Variants in SH2B1 observed in about 807,000 individuals in gnomAD.
SH2B1 encodes the protein SH2B adapter protein 1.
A neutral mutation model predicts 62.6 loss-of-function variants in SH2B1; 15 were observed. The ratio of observed to expected loss-of-function variants is 0.24; its 90% CI spans 0.16 to 0.37. SH2B1 has a LOEUF of 0.37. Ranked by LOEUF, SH2B1 falls within the 10% of genes least tolerant of loss-of-function variation. SH2B1 has a pLI of 1.00. For synonymous variants in SH2B1, 443 were observed against 438.0 expected (o/e 1.01, Z -0.14); for missense variants, 925 against 1,015.6 (o/e 0.91, Z 1.21).
At chr16:28,871,682 C>G (rs1353530524) in intron 4 of SH2B1, 98 bp from the exon 5 acceptor site, 3 of 973,360 alleles carry the variant, frequency 3.1e-6, no homozygotes, top group Non-Finnish European at 4.9e-6. Context: ...TGGCCAGCGA[C>G]TGCACACAGG....
Position 28,872,684 on chromosome 16 carries a change from C to A in SH2B1, c.1876C>A (p.Pro626Thr). The part of the protein sequence containing the change: ...SSDVVLVSYV[P>T]SSQRQQEPTT... The stretch of plus-strand genomic sequence containing the variant: ...TGATGTTGTCCTTGTCAGCTATGTC[C>A]CATCCTCCCAGCGACAGCAGGGTGA... Residue 626 changes from proline (P) to threonine (T), a missense_variant, in exon 7 of 8, where the codon CCA becomes ACA. By Grantham distance (38) the Pro-to-Thr change is conservative (BLOSUM62 -1). This residue lies in a region of SH2B1 where 185 missense variants were observed against 189.5 expected (regional missense o/e 0.98). Transcript: ENST00000684370. This position sits in a 1 kb window ranked among gnomAD's most constrained non-coding sequence, Gnocchi z 5.3. 6.2e-7 allele frequency: 1 copy of A among 1,614,160 alleles called. No homozygotes were observed. The highest frequency in any genetic ancestry group is 8.5e-7 in the Non-Finnish European group (1 of 1,180,026).
At position 28,873,340 on chromosome 16, in the gene SH2B1, G is replaced by C. The variant is rs552645816; in HGVS notation, c.1898-107G>C. The C allele has an allele frequency of 1.9e-4, 298 of 1,589,430 alleles. 1 individual carries two copies. In the African/African-American group the frequency reaches 3.7e-3, roughly 20 times the overall value. On this transcript the variant is annotated intron_variant, in intron 7 of 7. Coordinates refer to ENST00000684370, the MANE Select transcript of SH2B1 (RefSeq NM_001387430.1). The surrounding 1 kb of genome is among the most constrained non-coding windows in gnomAD (Gnocchi z 4.2). ...TGGATGGGGGGTTGCTCAGGAGATGGGATGTGGGGAGACAGCCACGCTCCT... is the reference window on the plus strand; with the variant it reads ...TGGATGGGGGGTTGCTCAGGAGATGCGATGTGGGGAGACAGCCACGCTCCT...
At chr16:28,861,233 A>G (rs1248903233), upstream of SH2B1, among the ~76,000 whole-genome samples, 1 of 148,494 alleles carries the variant, frequency 6.7e-6, no homozygotes, top group Non-Finnish European at 1.5e-5. Context: ...CCCAGATTCA[A>G]GTGATTCTCC....
Position 28,869,088 on chromosome 16 carries a change from T to G in SH2B1, c.1124T>G (p.Leu375Arg), listed in dbSNP as rs767542567. 9.9e-6 allele frequency: 16 copies of G among 1,614,160 alleles called. No homozygotes were observed. In the South Asian group the frequency reaches 1.2e-4, roughly 12 times the overall value. The change falls in exon 3 of 8, where the codon CTG (leucine) becomes CGG (arginine). Residue 375 changes from leucine (L) to arginine (R), a missense_variant. Leu to Arg is a moderately radical substitution (Grantham distance 102). This residue lies in a region of SH2B1 where 683 missense variants were observed against 704.0 expected (regional missense o/e 0.97). Coordinates refer to ENST00000684370, the MANE Select transcript of SH2B1 (RefSeq NM_001387430.1). Reference sequence around the variant, plus strand: ...TGGGTGTCTGACATCCAAGAATGCCTGAGCCCAGGGTGAGAAGCCTGACTT... The same window carrying G: ...TGGGTGTCTGACATCCAAGAATGCCGGAGCCCAGGGTGAGAAGCCTGACTT... ...KAWVSDIQEC[L>R]SPGPCPATSP... is the part of the protein sequence containing the mutation.
At chr16:28,851,430 C>G (rs1025267686) in intron 1 of SH2B1, among the ~76,000 whole-genome samples, 8 of 151,084 alleles carry the variant, frequency 5.3e-5, no homozygotes, top group Admixed American at 4.0e-4. Flanking sequence ...GGTCTCCTGG[C>G]TTCTGTTCTC....
intron 1 of SH2B1, among the ~76,000 whole-genome samples, chr16:28,851,882 C>T (rs185799587): frequency 6.0e-5 from 9 of 150,764 alleles, no homozygotes; most frequent in African/African-American, 2.2e-4. Flanking sequence ...GTCTGACCAA[C>T]ATGGTGAAAC....
chr16:28,863,627 G>C (rs930169026), upstream of SH2B1: 1 of 1,497,140 alleles, frequency 6.7e-7, no homozygotes, highest in Non-Finnish European at 9.0e-7. Flanking sequence ...GCTCTGGTGG[G>C]ATCCAAGCAC....
In SH2B1 at chr16:28,872,493, G is replaced by A. The variant is rs2152187821; in HGVS notation, c.1726-41G>A. ...GGGGGAGGGGGTTTGTACCTGGCAG[G>A]GCCTTTGCCTCCTACCTCACCTCCC... On this transcript the variant is annotated intron_variant, in intron 6 of 7. Coordinates refer to ENST00000684370, the MANE Select transcript of SH2B1 (RefSeq NM_001387430.1). This position sits in a 1 kb window ranked among gnomAD's most constrained non-coding sequence, Gnocchi z 5.3. 1 of 1,587,160 alleles carries A rather than the reference G, an allele frequency of 6.3e-7. No homozygotes were observed. The highest frequency in any genetic ancestry group is 8.6e-7 in the Non-Finnish European group (1 of 1,163,594).
At chr16:28,847,945 C>T (rs1417040848) in intron 1 of SH2B1, among the ~76,000 whole-genome samples, 2 of 151,304 alleles carry the variant, frequency 1.3e-5, no homozygotes, top group Non-Finnish European at 2.9e-5. Flanking sequence ...CCCACCTCAG[C>T]CTCCTGAGTA....
At position 28,849,034 on chromosome 16, in the gene SH2B1, T is replaced by G. The variant is rs142809202; in HGVS notation, c.-301+2207T>G. ...GATAAAGTGAGGAACTTGCTAAGAC[T>G]TCTCTCTTCCTGGCCCTCCAGTTAA... is the stretch of plus-strand genomic sequence containing the variant. On this transcript the variant is annotated intron_variant, in intron 1 of 10. Transcript: ENST00000322610. Among the ~76,000 whole-genome samples, 338 of 152,310 alleles carry G rather than the reference T, an allele frequency of 2.2e-3. 6 individuals carry two copies. Among genetic ancestry groups the G allele is most frequent in the African/African-American group, 7.9e-3 (329 of 41,572 alleles).
In SH2B1 at chr16:28,866,971, C is replaced by G. The variant is rs940835451; in HGVS notation, c.877C>G (p.Leu293Val). The change falls in exon 1 of 8, where the codon CTG becomes GTG. Residue 293 changes from leucine to valine, a missense_variant. Physicochemically the swap from Leu to Val is conservative, Grantham distance 32 (BLOSUM62 1). Transcript: ENST00000684370. The surrounding 1 kb of genome is among the most constrained non-coding windows in gnomAD (Gnocchi z 6.3). ...GCCTCAGTGGCAGAAGTGTCGCCTG[C>G]TGCTTCGAAGTGAAGGAGAAGGAGG... ...GQPQWQKCRL[L>V]LRSEGEGGGG... 2 of 1,606,302 alleles carry G rather than the reference C, an allele frequency of 1.2e-6. No individual in the cohort carries two copies. The highest frequency in any genetic ancestry group is 1.7e-6 in the Non-Finnish European group (2 of 1,179,954).
chr16:28,852,211 TATATATTTAC>T (rs1358838417), intron 1 of SH2B1, among the ~76,000 whole-genome samples: 9 of 79,150 alleles, frequency 1.1e-4, no homozygotes, highest in East Asian at 6.7e-4. Flanking sequence ...TATTTACATA[TATATATTTAC>T]ATATATATTT....
intron 1 of SH2B1, among the ~76,000 whole-genome samples, chr16:28,852,896 AT>A (rs1485365473): frequency 1.1e-5 from 1 of 90,162 alleles, no homozygotes; most frequent in East Asian, 3.1e-4. Context: ...ATTTACATAT[AT>A]TTTTATATAT....
chr16:28,868,958 C>A, intron 2 of SH2B1, 48 bp from the exon 3 acceptor site: 1 of 1,418,242 alleles, frequency 7.1e-7, no homozygotes, highest in Non-Finnish European at 1.0e-6. Context: ...ATGGATTAAG[C>A]CTCCTCCCTG....
In SH2B1 at chr16:28,865,783, TG is replaced by T; in HGVS notation, c.-307del. On this transcript the variant is annotated 5_prime_UTR_variant, in exon 1 of 8. Coordinates refer to ENST00000684370, the MANE Select transcript of SH2B1 (RefSeq NM_001387430.1). Reference sequence around the variant, plus strand: ...CTGCTGGATCCAAAGCTAAGGAAAGTGGGGGCAAATGTGGCAGGCTCGGGGC... The same window carrying T: ...CTGCTGGATCCAAAGCTAAGGAAAGTGGGGCAAATGTGGCAGGCTCGGGGC... 1 of 1,150,548 alleles carries T rather than the reference TG, an allele frequency of 8.7e-7. No individual in the cohort carries two copies. The highest frequency in any genetic ancestry group is 1.1e-6 in the Non-Finnish European group (1 of 934,944). 71.3% of individuals were successfully genotyped at this position (1,150,548 alleles called of 1,614,324 possible).
At chr16:28,854,650 G>C (rs1001802141) in intron 1 of SH2B1, among the ~76,000 whole-genome samples, 1 of 152,062 alleles carries the variant, frequency 6.6e-6, no homozygotes, top group Non-Finnish European at 1.5e-5. Context: ...CAACTACTTG[G>C]AAGGCTGAGG....
chr16:28,863,740 G>A, upstream of SH2B1: 1 of 1,535,748 alleles, frequency 6.5e-7, no homozygotes, highest in South Asian at 1.2e-5. Context: ...GGCGCCGAGT[G>A]GGAGGATGGC....
rs940353350 is a variant in SH2B1, at chr16:28,872,482, G to T, written c.1726-52G>T. 2.8e-5 allele frequency: 44 copies of T among 1,580,916 alleles called. No homozygotes were observed. The East Asian group carries it at 8.7e-4, about 31-fold the overall frequency. On this transcript the variant is annotated intron_variant, in intron 6 of 7. Transcript: ENST00000684370. The surrounding 1 kb of genome is among the most constrained non-coding windows in gnomAD (Gnocchi z 5.3). ...GGAGCACTGCCGGGGGAGGGGGTTT[G>T]TACCTGGCAGGGCCTTTGCCTCCTA...
Position 28,866,809 on chromosome 16 carries a change from G to A in SH2B1, c.715G>A (p.Ala239Thr), listed in dbSNP as rs769421511. Residue 239 changes from alanine to threonine, a missense_variant, in exon 1 of 8, where the codon GCC (alanine) becomes ACC (threonine). Ala to Thr is a moderately conservative substitution (Grantham distance 58). Transcript: ENST00000684370. This position sits in a 1 kb window ranked among gnomAD's most constrained non-coding sequence, Gnocchi z 6.3. Reference sequence around the variant, plus strand: ...GCTGAGACTCAGTCGGGGAGGGGGCGCCTTGAAGGATGGAGCAGGGATGGT... The same window carrying A: ...GCTGAGACTCAGTCGGGGAGGGGGCACCTTGAAGGATGGAGCAGGGATGGT... ...ERLRLSRGGG[A>T]LKDGAGMVQR... 1.3e-5 allele frequency: 21 copies of A among 1,583,954 alleles called. No homozygotes were observed. The highest frequency in any genetic ancestry group is 4.0e-5 in the African/African-American group (3 of 74,110).
Sources: allele counts gnomAD v4.1 joint callset (sites outside exome capture counted in the v4.1 genomes callset), GRCh38; gene constraint gnomAD v4.1.1; regional missense constraint gnomAD v4.1.1; non-coding constraint Gnocchi (gnomAD v3.1); transcripts MANE v1.5; gene names NCBI Gene and HGNC (gene_info 2026-07-23, HGNC 2026-07-21).